The following MIEF1 variants were observed in gnomAD, a reference collection of about 807,000 sequenced individuals.
MIEF1 encodes mitochondrial elongation factor 1, also known as mitochondrial dynamics protein MIEF1.
Under a neutral mutation model 35.1 loss-of-function variants are expected in MIEF1, and 14 were observed. The ratio of observed to expected loss-of-function variants is 0.40; its 90% confidence interval spans 0.26 to 0.62. MIEF1 has a LOEUF of 0.62. Ranked by LOEUF, MIEF1 falls within the 20% of genes least tolerant of loss-of-function variation. The pLI, the probability that MIEF1 is intolerant of heterozygous loss-of-function variation, is 0.43. For synonymous variants in MIEF1, 245 were observed against 254.3 expected (o/e 0.96, Z 0.35); for missense variants, 542 against 615.4 (o/e 0.88, Z 1.26).
chr22:39,507,471 T>G (rs1161110907), intron 2 of MIEF1, among the ~76,000 whole-genome samples: 2 of 151,814 alleles, frequency 1.3e-5, no homozygotes, highest in East Asian at 3.9e-4. Context: ...GGTCTCGATC[T>G]CCTGACCTCG....
intron 2 of MIEF1, among the ~76,000 whole-genome samples, chr22:39,508,920 G>A (rs1386741522): frequency 2.6e-5 from 4 of 152,162 alleles, no homozygotes; most frequent in African/African-American, 7.2e-5. Flanking sequence ...AGCGTAAGAT[G>A]TGGAAGCTAG....
chr22:39,509,111 T>C (rs1301092475), intron 2 of MIEF1, among the ~76,000 whole-genome samples: 3 of 151,922 alleles, frequency 2.0e-5, no homozygotes, highest in East Asian at 1.9e-4. Context: ...TGCACCATCA[T>C]GCCTGGCTAA....
intron 3 of MIEF1, 67 bp from the exon 4 acceptor site, chr22:39,511,782 G>C: frequency 6.6e-7 from 1 of 1,521,724 alleles, no homozygotes; most frequent in Non-Finnish European, 8.9e-7. Context: ...TTCTGGGGAG[G>C]AAGTAAATTG....
rs1930657310 is a variant in MIEF1, at chr22:39,516,143, T to G, written c.*1820T>G. The G allele has an allele frequency of 7.0e-6, 1 of 143,468 alleles. No individual in the cohort carries two copies. The highest frequency in any genetic ancestry group is 1.5e-5 in the Non-Finnish European group (1 of 66,972). 8.9% of individuals were successfully genotyped at this position (143,468 alleles called of 1,614,324 possible). A position where few individuals can be genotyped will look rare whatever the true frequency, so the allele number is the denominator to read the frequency against. On this transcript the variant is annotated 3_prime_UTR_variant, in exon 6 of 6. Transcript: ENST00000325301. ...AGAGCTCATCTACCCTGTCTGTTGGTCAGACTCAAATGAGAGTTAAAAAAA... is the reference window on the plus strand; with the variant it reads ...AGAGCTCATCTACCCTGTCTGTTGGGCAGACTCAAATGAGAGTTAAAAAAA...
intron 2 of MIEF1, among the ~76,000 whole-genome samples, chr22:39,510,807 G>A (rs1254104314): frequency 2.0e-5 from 3 of 149,682 alleles, no homozygotes; most frequent in Non-Finnish European, 4.4e-5. Flanking sequence ...CTGTGAAGGG[G>A]TAGAGACCTG....
chr22:39,511,876 A>C lies in MIEF1; in HGVS notation c.172A>C (p.Thr58Pro). 3 of 1,613,956 alleles carry C rather than the reference A, an allele frequency of 1.9e-6. No individual in the cohort carries two copies. Among genetic ancestry groups the C allele is most frequent in the Non-Finnish European group, 2.5e-6 (3 of 1,179,910 alleles). The part of the protein sequence containing the change: ...RMYDRAISAP[T>P]SPTRLSHSGK... Reference sequence around the variant, plus strand: ...GTACGATCGGGCGATCAGTGCCCCTACCAGCCCCACCCGCCTGAGCCATTC... The same window carrying C: ...GTACGATCGGGCGATCAGTGCCCCTCCCAGCCCCACCCGCCTGAGCCATTC... The change falls in exon 4 of 6, where the codon ACC (threonine) becomes CCC (proline). Residue 58 changes from threonine (T) to proline (P), a missense_variant. By Grantham distance (38) the Thr-to-Pro change is conservative. Transcript: ENST00000325301.
intron 1 of MIEF1, chr22:39,503,387 C>T (rs1329899133): frequency 1.3e-5 from 2 of 152,218 alleles, no homozygotes; most frequent in African/African-American, 4.8e-5. Context: ...TAAGCATTTA[C>T]TGTTACTAAG....
At chr22:39,509,538 C>G (rs1728043452) in intron 2 of MIEF1, 1 of 152,304 alleles carries the variant, frequency 6.6e-6, no homozygotes, top group Admixed American at 6.5e-5. Flanking sequence ...TGGAGGCCAG[C>G]CTCTTCGCTG....
At chr22:39,506,080 G>C (rs1929999557) in intron 2 of MIEF1, among the ~76,000 whole-genome samples, 1 of 152,210 alleles carries the variant, frequency 6.6e-6, no homozygotes, top group African/African-American at 2.4e-5. Flanking sequence ...AGCGGATCTA[G>C]GAGGGAATTA....
chr22:39,505,883 G>A (rs545299164), intron 2 of MIEF1, among the ~76,000 whole-genome samples: 2 of 152,340 alleles, frequency 1.3e-5, no homozygotes, highest in East Asian at 1.9e-4. Flanking sequence ...GAGTAACTGG[G>A]TGTAAGGCCT....
At position 39,511,901 on chromosome 22, in the gene MIEF1, C is replaced by T. The variant is rs200727999; in HGVS notation, c.197C>T (p.Ser66Leu). ...ACCAGCCCCACCCGCCTGAGCCATTCGGGGAAAAGGAGCTGGGAAGAACCC... is the reference window on the plus strand; with the variant it reads ...ACCAGCCCCACCCGCCTGAGCCATTTGGGGAAAAGGAGCTGGGAAGAACCC... ...APTSPTRLSH[S>L]GKRSWEEPNW... Residue 66 changes from serine to leucine, a missense_variant, in exon 4 of 6, where the codon TCG becomes TTG. Ser to Leu is a moderately radical substitution (Grantham distance 145, BLOSUM62 -2). Coordinates refer to ENST00000325301, the MANE Select transcript of MIEF1 (RefSeq NM_019008.6). 87 of 1,614,188 alleles carry T rather than the reference C, an allele frequency of 5.4e-5. No individual in the cohort carries two copies. The highest frequency in any genetic ancestry group is 4.7e-4 in the Admixed American group (28 of 60,022).
At chr22:39,512,533 C>G in intron 5 of MIEF1, 39 bp downstream of exon 5, 1 of 1,579,156 alleles carries the variant, frequency 6.3e-7, no homozygotes, top group Non-Finnish European at 8.6e-7. Context: ...GGTTTGAGTG[C>G]TGAGCACCAT....
chr22:39,504,563 C>A (rs1929922865), intron 2 of MIEF1, 29 bp downstream of exon 2: 2 of 397,128 alleles, frequency 5.0e-6, no homozygotes, highest in Admixed American at 8.8e-5. Flanking sequence ...CTGTAGGTTT[C>A]CTTATTTTTT....
chr22:39,515,507 T>A lies in MIEF1; in HGVS notation c.*1184T>A. 1.6e-6 allele frequency: 1 copy of A among 615,348 alleles called. No homozygotes were observed. Among genetic ancestry groups the A allele is most frequent in the South Asian group, 2.0e-5 (1 of 51,246 alleles). The allele number at this position is 615,348 out of a possible 1,614,324, so 38.1% of individuals were successfully genotyped here. A position where few individuals can be genotyped will look rare whatever the true frequency, so the allele number is the denominator to read the frequency against. ...GGGCAAGTGAGCATGCACGGACCTC[T>A]TCCCCCTGTCCTGTTTCTCACCCAG... On this transcript the variant is annotated 3_prime_UTR_variant, in exon 6 of 6. Transcript: ENST00000325301.
rs1329804584 is a variant in MIEF1, at chr22:39,504,364, T to C, written c.-178T>C. 1 of 398,956 alleles carries C rather than the reference T, an allele frequency of 2.5e-6. No homozygotes were observed. The highest frequency in any genetic ancestry group is 2.1e-5 in the African/African-American group (1 of 48,704). The allele number at this position is 398,956 out of a possible 1,614,324, so 24.7% of individuals were successfully genotyped here. A position where few individuals can be genotyped will look rare whatever the true frequency, so the allele number is the denominator to read the frequency against. ...CGTGAATTCCGAAAAAATCAGAAGC[T>C]AGAGGACGCTGAGGCCCGGGAGAGG... On this transcript the variant is annotated 5_prime_UTR_variant, in exon 2 of 6. Transcript: ENST00000325301.
chr22:39,511,996 C>T lies in MIEF1; in HGVS notation c.292C>T (p.Leu98Phe). The T allele has an allele frequency of 6.2e-7, 1 of 1,613,820 alleles. No individual in the cohort carries two copies. The highest frequency in any genetic ancestry group is 8.5e-7 in the Non-Finnish European group (1 of 1,179,922). The part of the protein sequence containing the change: ...KTGLSRSLQT[L>F]PTDSSTFDTD... ...GGGCCTGAGCCGGTCCTTGCAGACC[C>T]TTCCCACAGACTCCTCCACCTTCGA... is the stretch of plus-strand genomic sequence containing the variant. Residue 98 changes from leucine to phenylalanine, a missense_variant, in exon 4 of 6, where the codon CTT becomes TTT. Leu to Phe is a conservative substitution (Grantham distance 22, BLOSUM62 0). Coordinates refer to ENST00000325301, the MANE Select transcript of MIEF1 (RefSeq NM_019008.6).
rs1930755452 is a variant in MIEF1 at position 39,517,784 on chromosome 22, C to T, written c.*3461C>T. ...TTTAGATGCCACTTACTGTAAGTGGCCAGAATACCAGAGAGGTGGGTTCCA... is the reference window on the plus strand; with the variant it reads ...TTTAGATGCCACTTACTGTAAGTGGTCAGAATACCAGAGAGGTGGGTTCCA... On this transcript the variant is annotated 3_prime_UTR_variant, in exon 6 of 6. Coordinates refer to ENST00000325301, the MANE Select transcript of MIEF1 (RefSeq NM_019008.6). 3.0e-6 allele frequency: 1 copy of T among 338,810 alleles called. No individual in the cohort carries two copies. The allele number at this position is 338,810 out of a possible 1,614,324, so 21.0% of individuals were successfully genotyped here.
intron 2 of MIEF1, among the ~76,000 whole-genome samples, chr22:39,506,934 C>T (rs902765506): frequency 6.6e-6 from 1 of 152,148 alleles, no homozygotes; most frequent in Admixed American, 6.5e-5. Context: ...GGTAACAGAG[C>T]CCCAGAACCC....
chr22:39,511,761 T>C, intron 3 of MIEF1, 88 bp from the exon 4 acceptor site: 1 of 1,473,366 alleles, frequency 6.8e-7, no homozygotes, highest in African/African-American at 1.4e-5. Context: ...AAGAACTTAC[T>C]AGGACAGAGC....
Sources: gnomAD v4.1 joint callset for allele counts (sites outside exome capture counted in the v4.1 genomes callset) on GRCh38, gnomAD v4.1.1 for gene constraint, MANE v1.5 for transcripts, NCBI Gene and HGNC (gene_info 2026-07-23, HGNC 2026-07-21) for gene names.